The following TDP1 variants were observed in gnomAD, a reference collection of about 807,000 sequenced individuals.
The protein encoded by TDP1 is tyr-DNA phosphodiesterase 1.
In TDP1, 64 loss-of-function variants were observed where a neutral mutation model predicts 81.5. The observed-to-expected ratio is 0.79, with a 90% CI of 0.64 to 0.97. The LOEUF is 0.97. Among genes scored for constraint, TDP1 ranks in the 50% least tolerant of loss-of-function variants. The probability of loss-of-function intolerance (pLI) is 0.00; values close to 1 mark genes in which losing one functional copy is unlikely to be tolerated. For missense variants in TDP1, 723 were observed against 743.8 expected, an observed-to-expected ratio of 0.97 and a Z score of 0.33; for synonymous variants, 256 against 264.3, an observed-to-expected ratio of 0.97 and a Z score of 0.30.
At chr14:89,995,168 A>G (rs1424376997) in intron 14 of TDP1, among the ~76,000 whole-genome samples, 1 of 152,260 alleles carries the variant, frequency 6.6e-6, no homozygotes, top group Non-Finnish European at 1.5e-5. Context: ...TGAAAGCTGT[A>G]TCTACTTGCC....
chr14:89,975,723 C>T, intron 6 of TDP1, 58 bp from the exon 7 acceptor site: 3 of 1,410,550 alleles, frequency 2.1e-6, no homozygotes, highest in Non-Finnish European at 3.0e-6. Context: ...ATGTAATTTC[C>T]AGTAGATATG....
intron 8 of TDP1, among the ~76,000 whole-genome samples, chr14:89,983,758 A>G (rs954177859): frequency 6.6e-6 from 1 of 152,212 alleles, no homozygotes; most frequent in Non-Finnish European, 1.5e-5. Flanking sequence ...GATTGGGATT[A>G]GATATGATTG....
At chr14:89,965,127 C>T (rs531734427) in intron 3 of TDP1, among the ~76,000 whole-genome samples, 1 of 152,144 alleles carries the variant, frequency 6.6e-6, no homozygotes, top group Non-Finnish European at 1.5e-5. Context: ...TGCAGTTTAT[C>T]TCTGCAACTC....
At chr14:90,031,676 A>G (rs1469098209) in intron 15 of TDP1, among the ~76,000 whole-genome samples, 3 of 152,020 alleles carry the variant, frequency 2.0e-5, no homozygotes, top group African/African-American at 7.3e-5. Context: ...AAGAAACCTA[A>G]TAAAAGTGGC....
chr14:90,026,512 C>G (rs1020749268), intron 15 of TDP1, among the ~76,000 whole-genome samples: 4 of 152,148 alleles, frequency 2.6e-5, no homozygotes, highest in African/African-American at 9.7e-5. Flanking sequence ...GCACAACGTG[C>G]AGGTTTGTTA....
At chr14:89,974,830 C>T (rs151039094) in intron 6 of TDP1, among the ~76,000 whole-genome samples, 52 of 152,284 alleles carry the variant, frequency 3.4e-4, no homozygotes, top group African/African-American at 1.3e-3. Flanking sequence ...GAAACTTTTA[C>T]GGTTATTTAA....
chr14:89,996,197 GA>G, intron 14 of TDP1, among the ~76,000 whole-genome samples: 1 of 152,208 alleles, frequency 6.6e-6, no homozygotes, highest in South Asian at 2.1e-4. Flanking sequence ...TCACCTTTCT[GA>G]AACATAGAGT....
rs752947240 is a variant in TDP1, at chr14:89,991,992, T to C, written c.1433+9T>C. ...CTGCATTCCTATTTTCAGTAAGTAA[T>C]TGGTTTAGACTGCTGCTATTGCTTC... On this transcript the variant is annotated intron_variant, in intron 13 of 16. Coordinates refer to ENST00000335725, the MANE Select transcript of TDP1 (RefSeq NM_018319.4). 1.2e-6 allele frequency: 2 copies of C among 1,610,666 alleles called. No individual in the cohort carries two copies. Among genetic ancestry groups the C allele is most frequent in the Non-Finnish European group, 1.7e-6 (2 of 1,177,858 alleles).
In TDP1 at chr14:89,980,612, C is replaced by T; in HGVS notation, c.864C>T (p.Asp288=). ...VIHTSNLIHA[D]WHQKTQGIWL... is the part of the protein sequence containing the mutation. ...ACACCTCCAACCTCATCCATGCTGA[C>T]TGGCACCAGAAAACTCAAGGGTTCG... Residue 288 remains aspartate, a synonymous_variant, in exon 8 of 17, where the codon GAC becomes GAT. Coordinates refer to ENST00000335725, the MANE Select transcript of TDP1 (RefSeq NM_018319.4). 6.2e-7 allele frequency: 1 copy of T among 1,614,162 alleles called. No individual in the cohort carries two copies. The highest frequency in any genetic ancestry group is 1.1e-5 in the South Asian group (1 of 91,078).
At chr14:89,965,219 G>C (rs1892798223) in intron 3 of TDP1, among the ~76,000 whole-genome samples, 1 of 152,114 alleles carries the variant, frequency 6.6e-6, no homozygotes, top group Non-Finnish European at 1.5e-5. Flanking sequence ...CTAGCTCAAT[G>C]TCCAGAAGAT....
Position 89,978,212 on chromosome 14 carries a change from A to G in TDP1, c.792-2328A>G, listed in dbSNP as rs73324589. The stretch of plus-strand genomic sequence containing the variant: ...CCGTTGCTGCCACCAGCCCTGTGAA[A>G]CCATGTGTGGTGAAAGGAGTGCCCT... On this transcript the variant is annotated intron_variant, in intron 7 of 16. Coordinates refer to ENST00000335725, the MANE Select transcript of TDP1 (RefSeq NM_018319.4). 6.0e-3 allele frequency among the ~76,000 whole-genome samples: 908 copies of G among 152,314 alleles called. 6 individuals are homozygous for G. Among genetic ancestry groups the G allele is most frequent in the African/African-American group, 0.021 (870 of 41,568 alleles).
chr14:90,004,396 A>C (rs1897459551), intron 14 of TDP1, among the ~76,000 whole-genome samples: 1 of 152,210 alleles, frequency 6.6e-6, no homozygotes. Flanking sequence ...GTAATATAGC[A>C]AATACTTGTA....
chr14:89,969,411 G>A (rs1164923529), intron 5 of TDP1, among the ~76,000 whole-genome samples: 1 of 152,096 alleles, frequency 6.6e-6, no homozygotes, highest in African/African-American at 2.4e-5. Flanking sequence ...CAGATCATAA[G>A]GATTTATACC....
At chr14:90,006,762 C>T (rs921687109) in intron 14 of TDP1, among the ~76,000 whole-genome samples, 1 of 152,210 alleles carries the variant, frequency 6.6e-6, no homozygotes, top group Non-Finnish European at 1.5e-5. Flanking sequence ...TGGTCTCGAA[C>T]TCCTGACCTC....
chr14:89,956,196 G>A (rs1317639395), intron 1 of TDP1: 6 of 152,334 alleles, frequency 3.9e-5, no homozygotes, highest in African/African-American at 1.4e-4. Context: ...GGCGCGCACG[G>A]GCGCTGCGGA....
rs1895838606 is a variant in TDP1 at position 89,988,684 on chromosome 14, A to T, written c.1132-221A>T. On this transcript the variant is annotated intron_variant, in intron 10 of 16. Coordinates refer to ENST00000335725, the MANE Select transcript of TDP1 (RefSeq NM_018319.4). ...TACAAATCAAATAATTTTGGAAAGG[A>T]GAACTTCTGTCCATCTACTCCATTA... is the stretch of plus-strand genomic sequence containing the variant. The T allele has an allele frequency of 5.1e-6, 5 of 982,092 alleles. No individual in the cohort carries two copies. The African/African-American group carries it at 5.2e-5, about 10-fold the overall frequency. 60.8% of individuals were successfully genotyped at this position (982,092 alleles called of 1,614,324 possible).
intron 8 of TDP1, chr14:89,983,202 G>A (rs1273693177): frequency 5.1e-5 from 23 of 454,096 alleles, no homozygotes; most frequent in South Asian, 2.5e-4. Flanking sequence ...GGTCCTCCAC[G>A]TCTGTCCAGC....
chr14:89,970,783 A>G (rs1323040822), intron 5 of TDP1: 3 of 955,732 alleles, frequency 3.1e-6, no homozygotes, highest in Non-Finnish European at 3.7e-6. Flanking sequence ...GGAAGCTAGC[A>G]TTCCTTAATG....
At position 90,043,166 on chromosome 14, in the gene TDP1, TTAAGTG is replaced by T; in HGVS notation, c.*28_*33del. Reference sequence around the variant, plus strand: ...TGAGAATCTTGAGGCACTGTGAAATTTAAGTGTAAGACATTGAGCCACAAACATGGA... The same window carrying T: ...TGAGAATCTTGAGGCACTGTGAAATTTAAGACATTGAGCCACAAACATGGA... On this transcript the variant is annotated 3_prime_UTR_variant, in exon 17 of 17. Coordinates refer to ENST00000335725, the MANE Select transcript of TDP1 (RefSeq NM_018319.4). 2 of 1,614,188 alleles carry T rather than the reference TTAAGTG, an allele frequency of 1.2e-6. No individual in the cohort carries two copies. Among genetic ancestry groups the T allele is most frequent in the Non-Finnish European group, 1.7e-6 (2 of 1,180,014 alleles).
Sources: allele counts gnomAD v4.1 joint callset (sites outside exome capture counted in the v4.1 genomes callset), GRCh38; gene constraint gnomAD v4.1.1; transcripts MANE v1.5; gene names NCBI Gene and HGNC (gene_info 2026-07-23, HGNC 2026-07-21).